BCAM: variants seen among roughly 807,000 people sequenced by gnomAD.
BCAM encodes basal cell adhesion molecule (Lutheran blood group), also known as basal cell adhesion molecule.
A neutral mutation model predicts 72.4 loss-of-function variants in BCAM; 61 were observed. The observed-to-expected ratio is 0.84, with a 90% CI of 0.69 to 1.04. The LOEUF is 1.04. Ranked by LOEUF, BCAM falls within the 50% of genes least tolerant of loss-of-function variation. The pLI is 0.00. For synonymous variants in BCAM, 408 were observed against 384.2 expected, an observed-to-expected ratio of 1.06 and a Z score of -0.73; for missense variants, 909 against 895.0, an observed-to-expected ratio of 1.02 and a Z score of -0.20.
At chr19:44,810,109 G>T (rs1000396926) in intron 1 of BCAM, among the ~76,000 whole-genome samples, 1 of 152,090 alleles carries the variant, frequency 6.6e-6, no homozygotes, top group African/African-American at 2.4e-5. Context: ...GCCAGATTGA[G>T]CAGAGAAGGG....
intron 8 of BCAM, among the ~76,000 whole-genome samples, chr19:44,817,790 C>T (rs1023447426): frequency 2.0e-5 from 3 of 152,126 alleles, no homozygotes; most frequent in Non-Finnish European, 4.4e-5. Flanking sequence ...GTGATGCACC[C>T]GCCTCGGCCT....
rs147593462 is a variant in BCAM at position 44,814,679 on chromosome 19, G to C, written c.997G>C (p.Gly333Arg). 3 of 1,614,096 alleles carry C rather than the reference G, an allele frequency of 1.9e-6. No individual in the cohort carries two copies. Among genetic ancestry groups the C allele is most frequent in the African/African-American group, 2.7e-5 (2 of 75,034 alleles). The change falls in exon 8 of 15, where the codon GGG becomes CGG. Residue 333 changes from glycine to arginine, a missense_variant. Coordinates refer to ENST00000270233, the MANE Select transcript of BCAM (RefSeq NM_005581.5). The surrounding 1 kb of genome is among the most constrained non-coding windows in gnomAD (Gnocchi z 4.6). ...TLEGVTRGQS[G>R]TYGCRVEDYD... ...GGAGGGAGTGACCCGGGGCCAGAGCGGGACCTATGGCTGCAGAGTGGAGGA... is the reference window on the plus strand; with the variant it reads ...GGAGGGAGTGACCCGGGGCCAGAGCCGGACCTATGGCTGCAGAGTGGAGGA...
Position 44,818,594 on chromosome 19 carries a change from G to T in BCAM, c.1151G>T (p.Cys384Phe). Residue 384 changes from cysteine to phenylalanine, a missense_variant, in exon 9 of 15, where the codon TGC (cysteine) becomes TTC (phenylalanine). Transcript: ENST00000270233. The surrounding 1 kb of genome is among the most constrained non-coding windows in gnomAD (Gnocchi z 4.6). ...CTAAACAGCAGTGCAGTCGTGAACT[G>T]CTCCGTGCACGGCCTGCCCACCCCT... is the stretch of plus-strand genomic sequence containing the variant. ...LPLNSSAVVN[C>F]SVHGLPTPAL... is the part of the protein sequence containing the mutation. The T allele has an allele frequency of 4.3e-6, 7 of 1,614,032 alleles. No homozygotes were observed. The highest frequency in any genetic ancestry group is 5.1e-6 in the Non-Finnish European group (6 of 1,179,964).
At chr19:44,816,477 A>G (rs544614283) in intron 8 of BCAM, among the ~76,000 whole-genome samples, 1 of 152,320 alleles carries the variant, frequency 6.6e-6, no homozygotes, top group Admixed American at 6.5e-5. Context: ...AGGGGCTCTC[A>G]GCAGCTGAGG....
chr19:44,812,084 CAGAG>C lies in BCAM; in HGVS notation c.205-75_205-72del. 7.3e-7 allele frequency: 1 copy of C among 1,379,006 alleles called. No homozygotes were observed. Among genetic ancestry groups the C allele is most frequent in the Non-Finnish European group, 9.8e-7 (1 of 1,015,886 alleles). The allele number at this position is 1,379,006 out of a possible 1,614,324, so 85.4% of individuals were successfully genotyped here. A position where few individuals can be genotyped will look rare whatever the true frequency, so the allele number is the denominator to read the frequency against. ...GGAAAAGAGGCAGAGCCAGGAGCTG[CAGAG>C]AGAAAGGACCCAGAGAGAGAGAGAC... On this transcript the variant is annotated intron_variant, in intron 2 of 14. Transcript: ENST00000270233. This position sits in a 1 kb window ranked among gnomAD's most constrained non-coding sequence, Gnocchi z 5.3.
At chr19:44,809,092 AGCCCGG>A, upstream of BCAM, 1 of 1,364,520 alleles carries the variant, frequency 7.3e-7, no homozygotes, top group Non-Finnish European at 9.5e-7. Flanking sequence ...GCCGAGCTGC[AGCCCGG>A]GCTCAGTCTC....
chr19:44,818,717 C>T lies in BCAM; in HGVS notation c.1195-24C>T. 1 of 1,605,650 alleles carries T rather than the reference C, an allele frequency of 6.2e-7. No homozygotes were observed. Among genetic ancestry groups the T allele is most frequent in the Non-Finnish European group, 8.5e-7 (1 of 1,176,436 alleles). ...TCACTCCTCGCCCTCTCACAGCGTC[C>T]TCCTCCTCCTCTGCCCTTCCCAGGA... On this transcript the variant is annotated intron_variant, in intron 9 of 14. Coordinates refer to ENST00000270233, the MANE Select transcript of BCAM (RefSeq NM_005581.5). This position sits in a 1 kb window ranked among gnomAD's most constrained non-coding sequence, Gnocchi z 4.6.
chr19:44,818,821 G>C lies in BCAM; in HGVS notation c.1275G>C (p.Glu425Asp). ...ATTCCAATGGCACCTACGTATGTGA[G>C]GCCTCCCTGCCCACAGTCCCGGTCC... ...TFDSNGTYVCEASLPTVPVLS... is the reference protein window; with the variant it reads ...TFDSNGTYVCDASLPTVPVLS... Residue 425 changes from glutamate to aspartate, a missense_variant, in exon 10 of 15, where the codon GAG (glutamate) becomes GAC (aspartate). By Grantham distance (45) the Glu-to-Asp change is conservative. Transcript: ENST00000270233. The surrounding 1 kb of genome is among the most constrained non-coding windows in gnomAD (Gnocchi z 4.6). 6.2e-7 allele frequency: 1 copy of C among 1,614,088 alleles called. No homozygotes were observed. The highest frequency in any genetic ancestry group is 1.1e-5 in the South Asian group (1 of 91,090).
intron 8 of BCAM, among the ~76,000 whole-genome samples, chr19:44,817,473 T>A (rs1968517396): frequency 1.3e-5 from 2 of 151,790 alleles, no homozygotes; most frequent in South Asian, 4.2e-4. Flanking sequence ...TTGGCCTCGA[T>A]GCCAAGGGTA....
chr19:44,819,454 C>G lies in BCAM; in HGVS notation c.1582C>G (p.His528Asp), dbSNP rs1968549419. 6.2e-7 allele frequency: 1 copy of G among 1,614,068 alleles called. No homozygotes were observed. The highest frequency in any genetic ancestry group is 8.5e-7 in the Non-Finnish European group (1 of 1,179,942). Residue 528 changes from histidine to aspartate, a missense_variant, in exon 12 of 15, where the codon CAC becomes GAC. By Grantham distance (81) the His-to-Asp change is moderately conservative (BLOSUM62 -1). Transcript: ENST00000270233. The stretch of plus-strand genomic sequence containing the variant: ...CATCTCCTGTGAAGCCTCCAACCCC[C>G]ACGGGAACAAGCGCCATGTCTTCCA... ...DGISCEASNP[H>D]GNKRHVFHFG...
At position 44,820,300 on chromosome 19, in the gene BCAM, G is replaced by A. The variant is rs141359937; in HGVS notation, c.1764-405G>A. ...CCCAACCCTAGTCCTCCACCGTCCC[G>A]AAGCCAACTTCACCCATGTCCCCAT... On this transcript the variant is annotated intron_variant, in intron 13 of 14. Coordinates refer to ENST00000270233, the MANE Select transcript of BCAM (RefSeq NM_005581.5). 1.1e-4 allele frequency: 111 copies of A among 1,018,706 alleles called. 1 individual carries two copies. In the South Asian group the frequency reaches 3.2e-3, roughly 30 times the overall value. 63.1% of individuals were successfully genotyped at this position (1,018,706 alleles called of 1,614,324 possible). A position where few individuals can be genotyped will look rare whatever the true frequency, so the allele number is the denominator to read the frequency against.
At position 44,821,276 on chromosome 19, in the gene BCAM, T is replaced by G; in HGVS notation, c.*355T>G. 3.8e-6 allele frequency: 1 copy of G among 266,474 alleles called. No homozygotes were observed. The highest frequency in any genetic ancestry group is 7.1e-6 in the Non-Finnish European group (1 of 140,746). 16.5% of individuals were successfully genotyped at this position (266,474 alleles called of 1,614,324 possible). A position where few individuals can be genotyped will look rare whatever the true frequency, so the allele number is the denominator to read the frequency against. On this transcript the variant is annotated 3_prime_UTR_variant, in exon 15 of 15. Transcript: ENST00000270233. Reference sequence around the variant, plus strand: ...CGCCTCCCCTGCTGGTCCCCCCACCTGACGTCTTGCTGCAGAGTCTGACAC... The same window carrying G: ...CGCCTCCCCTGCTGGTCCCCCCACCGGACGTCTTGCTGCAGAGTCTGACAC...
chr19:44,818,506 C>A lies in BCAM; in HGVS notation c.1079-16C>A. 6.2e-7 allele frequency: 1 copy of A among 1,609,398 alleles called. No individual in the cohort carries two copies. Among genetic ancestry groups the A allele is most frequent in the Non-Finnish European group, 8.5e-7 (1 of 1,176,622 alleles). ...GTGGCGGTCTGGGACGAGTGACAGA[C>A]TGTCCCCCACTGCAGATCTGGACCC... is the stretch of plus-strand genomic sequence containing the variant. On this transcript the variant is annotated splice_polypyrimidine_tract_variant and intron_variant, in intron 8 of 14. Coordinates refer to ENST00000270233, the MANE Select transcript of BCAM (RefSeq NM_005581.5). The surrounding 1 kb of genome is among the most constrained non-coding windows in gnomAD (Gnocchi z 4.6).
chr19:44,814,566 T>C lies in BCAM; in HGVS notation c.922-38T>C. ...CTAGCATGAGCCCGCTGAACCGGGGTGGCTTCTGAGCCTGGTTCCTCGTCC... is the reference window on the plus strand; with the variant it reads ...CTAGCATGAGCCCGCTGAACCGGGGCGGCTTCTGAGCCTGGTTCCTCGTCC... On this transcript the variant is annotated intron_variant, in intron 7 of 14. Transcript: ENST00000270233. This position sits in a 1 kb window ranked among gnomAD's most constrained non-coding sequence, Gnocchi z 4.6. The C allele has an allele frequency of 6.3e-7, 1 of 1,598,426 alleles. No homozygotes were observed. The highest frequency in any genetic ancestry group is 8.5e-7 in the Non-Finnish European group (1 of 1,169,600).
In BCAM at chr19:44,809,145, G is replaced by T; in HGVS notation, c.21G>T (p.Pro7=). MEPPDA[P]AQARGAPRLL... ...TGAACATGGAGCCCCCGGACGCACC[G>T]GCCCAGGCGCGCGGGGCCCCGCGGC... The change falls in exon 1 of 15, where the codon CCG becomes CCT. Residue 7 remains proline, a synonymous_variant. Coordinates refer to ENST00000270233, the MANE Select transcript of BCAM (RefSeq NM_005581.5). 1 of 1,467,376 alleles carries T rather than the reference G, an allele frequency of 6.8e-7. No homozygotes were observed. The highest frequency in any genetic ancestry group is 9.0e-7 in the Non-Finnish European group (1 of 1,112,908). The allele number at this position is 1,467,376 out of a possible 1,614,324, so 90.9% of individuals were successfully genotyped here. A position where few individuals can be genotyped will look rare whatever the true frequency, so the allele number is the denominator to read the frequency against.
Position 44,813,875 on chromosome 19 carries a change from C to T in BCAM, c.784+255C>T, listed in dbSNP as rs1288061631. On this transcript the variant is annotated intron_variant, in intron 6 of 14. Transcript: ENST00000270233. The surrounding 1 kb of genome is among the most constrained non-coding windows in gnomAD (Gnocchi z 4.2). ...ATGACTAAATGGTGCTTTCCACCTT[C>T]TCACACTGAATTGGGTCCCCCCATG... Among the ~76,000 whole-genome samples the T allele has an allele frequency of 6.6e-6, 1 of 152,198 alleles. No individual in the cohort carries two copies. Among genetic ancestry groups the T allele is most frequent in the Non-Finnish European group, 1.5e-5 (1 of 68,040 alleles).
Position 44,813,434 on chromosome 19 carries a change from C to T in BCAM, c.602-4C>T. 6.2e-7 allele frequency: 1 copy of T among 1,610,468 alleles called. No individual in the cohort carries two copies. Among genetic ancestry groups the T allele is most frequent in the South Asian group, 1.1e-5 (1 of 90,988 alleles). On this transcript the variant is annotated splice_region_variant and splice_polypyrimidine_tract_variant and intron_variant, in intron 5 of 14. Transcript: ENST00000270233. This position sits in a 1 kb window ranked among gnomAD's most constrained non-coding sequence, Gnocchi z 4.2. ...TGACTGCCACCTCCCCCGATCTCTC[C>T]CAGAGGGCTACATGACCAGCCGCAC...
rs1968441809 is a variant in BCAM, at chr19:44,812,688, G to A, written c.504+140G>A. ...GGTAAGGCCAGGCGAGGTGGCTCATGCCTGTAATCCCAGCATTTTGGGAGG... is the reference window on the plus strand; with the variant it reads ...GGTAAGGCCAGGCGAGGTGGCTCATACCTGTAATCCCAGCATTTTGGGAGG... On this transcript the variant is annotated intron_variant, in intron 4 of 14. Transcript: ENST00000270233. The surrounding 1 kb of genome is among the most constrained non-coding windows in gnomAD (Gnocchi z 5.3). 2.1e-6 allele frequency: 2 copies of A among 961,420 alleles called. No individual in the cohort carries two copies. The highest frequency in any genetic ancestry group is 3.0e-6 in the Non-Finnish European group (2 of 655,832). The allele number at this position is 961,420 out of a possible 1,614,324, so 59.6% of individuals were successfully genotyped here.
At chr19:44,811,914 A>G (rs1408755206) in intron 2 of BCAM, 4 of 551,082 alleles carry the variant, frequency 7.3e-6, no homozygotes, top group Middle Eastern at 4.8e-4. Flanking sequence ...ATGAGAGACA[A>G]TCGGGAGAGG....
Sources: gnomAD v4.1 joint callset for allele counts (sites outside exome capture counted in the v4.1 genomes callset) on GRCh38, gnomAD v4.1.1 for gene constraint, Gnocchi (gnomAD v3.1) non-coding constraint, MANE v1.5 for transcripts, NCBI Gene and HGNC (gene_info 2026-07-23, HGNC 2026-07-21) for gene names.